REXO5: variants seen among roughly 807,000 people sequenced by gnomAD.
The protein encoded by REXO5 is RNA exonuclease 5, also known as exonuclease NEF-sp.
Under a neutral mutation model 88.5 loss-of-function variants are expected in REXO5, and 48 were observed. The observed-to-expected ratio is 0.54, with a 90% CI of 0.43 to 0.69. The LOEUF is 0.69. Among genes scored for constraint, REXO5 ranks in the 30% least tolerant of loss-of-function variants. The probability of loss-of-function intolerance (pLI) is 0.00; values close to 1 mark genes in which losing one functional copy is unlikely to be tolerated. For synonymous variants in REXO5, 311 were observed against 336.5 expected (o/e 0.92, Z 0.83); for missense variants, 749 against 912.2 (o/e 0.82, Z 2.30).
chr16:20,812,218 T>C (rs754440337), intron 2 of REXO5, among the ~76,000 whole-genome samples: 3 of 152,178 alleles, frequency 2.0e-5, no homozygotes, highest in Non-Finnish European at 2.9e-5. Context: ...TAAACAAATA[T>C]AGGCTGGGCG....
Position 20,849,446 on chromosome 16 carries a change from A to T in REXO5, c.2291A>T (p.Glu764Val). ...SGLGLMGIKE[E>V]EESAGPGLCS is the part of the protein sequence containing the mutation. ...CTAGGACTGATGGGAATAAAAGAGG[A>T]AGAAGAAAGCGCTGGCCCAGGCCTG... is the stretch of plus-strand genomic sequence containing the variant. Residue 764 changes from glutamate (E) to valine (V), a missense_variant, in exon 20 of 20, where the codon GAA becomes GTA. Physicochemically the swap from Glu to Val is moderately radical, Grantham distance 121. Coordinates refer to ENST00000261377, the MANE Select transcript of REXO5 (RefSeq NM_030941.3). 6.2e-7 allele frequency: 1 copy of T among 1,614,080 alleles called. No individual in the cohort carries two copies. The highest frequency in any genetic ancestry group is 8.5e-7 in the Non-Finnish European group (1 of 1,179,916).
chr16:20,819,371 C>T (rs1456234423), intron 5 of REXO5, among the ~76,000 whole-genome samples: 1 of 151,024 alleles, frequency 6.6e-6, no homozygotes, highest in Non-Finnish European at 1.5e-5. Context: ...CGCTTTCTTT[C>T]TTTCTTCATT....
In REXO5 at chr16:20,824,465, C is replaced by A; in HGVS notation, c.643C>A (p.Leu215Ile). Residue 215 changes from leucine to isoleucine, a missense_variant, in exon 7 of 20, where the codon CTT becomes ATT. By Grantham distance (5) the Leu-to-Ile change is conservative. Coordinates refer to ENST00000261377, the MANE Select transcript of REXO5 (RefSeq NM_030941.3). ...QGFPDCENFL[L>I]TKCNGSIADN... ...TTTTCCTGATTGTGAAAACTTTTTA[C>A]TTACCAAATGTAATGGTTCTATAGC... 1 of 1,610,326 alleles carries A rather than the reference C, an allele frequency of 6.2e-7. No homozygotes were observed. Among genetic ancestry groups the A allele is most frequent in the Non-Finnish European group, 8.5e-7 (1 of 1,177,222 alleles).
Position 20,849,660 on chromosome 16 carries a change from A to G in REXO5, c.*180A>G. ...GTTTTCAATAAATGCCTAAAGTTCA[A>G]GCATAGTATGGGGATGTCCACAGAT... On this transcript the variant is annotated 3_prime_UTR_variant, in exon 20 of 20. Coordinates refer to ENST00000261377, the MANE Select transcript of REXO5 (RefSeq NM_030941.3). The G allele has an allele frequency of 1.7e-6, 1 of 604,210 alleles. No homozygotes were observed. The highest frequency in any genetic ancestry group is 2.9e-6 in the Non-Finnish European group (1 of 339,416). 37.4% of individuals were successfully genotyped at this position (604,210 alleles called of 1,614,324 possible).
chr16:20,822,984 A>G (rs2081207493), intron 6 of REXO5, among the ~76,000 whole-genome samples: 1 of 152,204 alleles, frequency 6.6e-6, no homozygotes, highest in Admixed American at 6.5e-5. Flanking sequence ...AAGCTGCCGT[A>G]CCATTTTACT....
intron 15 of REXO5, 112 bp from the exon 16 acceptor site, chr16:20,843,822 A>G: frequency 1.5e-6 from 1 of 668,904 alleles, no homozygotes; most frequent in Non-Finnish European, 2.6e-6. Flanking sequence ...CAGCACAGTA[A>G]AGGCATCCAT....
intron 3 of REXO5, among the ~76,000 whole-genome samples, chr16:20,814,087 CTGTT>C (rs2081044823): frequency 6.7e-6 from 1 of 150,108 alleles, no homozygotes; most frequent in African/African-American, 2.4e-5. Context: ...TTATCTAAAA[CTGTT>C]TTTTTTTTTT....
In REXO5 at chr16:20,813,391, CCA is replaced by C. The variant is rs2081032759; in HGVS notation, c.251+90_251+91del. On this transcript the variant is annotated intron_variant, in intron 3 of 19. Coordinates refer to ENST00000261377, the MANE Select transcript of REXO5 (RefSeq NM_030941.3). ...CCTCTCCCAAGCTCCATCATTCAAA[CCA>C]GAGGTTTCAAACTGGCTTATCGACA... The C allele has an allele frequency of 2.2e-5, 17 of 762,208 alleles. 1 individual carries two copies. In the South Asian group the frequency reaches 3.1e-4, roughly 14 times the overall value. The allele number at this position is 762,208 out of a possible 1,614,324, so 47.2% of individuals were successfully genotyped here. A position where few individuals can be genotyped will look rare whatever the true frequency, so the allele number is the denominator to read the frequency against.
At position 20,844,039 on chromosome 16, in the gene REXO5, G is replaced by A. The variant is rs368222110; in HGVS notation, c.1719+13G>A. 1.3e-4 allele frequency: 201 copies of A among 1,517,974 alleles called. No homozygotes were observed. In the African/African-American group the frequency reaches 2.4e-3, roughly 18 times the overall value. 94.0% of individuals were successfully genotyped at this position (1,517,974 alleles called of 1,614,324 possible). On this transcript the variant is annotated intron_variant, in intron 16 of 19. Coordinates refer to ENST00000261377, the MANE Select transcript of REXO5 (RefSeq NM_030941.3). ...TATCTGCATCAAGGTAGGGTGACAA[G>A]AGAAAGCCCCCTTTGCTTGGGTCTG...
chr16:20,833,872 AC>A (rs1165358272), intron 13 of REXO5, among the ~76,000 whole-genome samples: 1 of 152,186 alleles, frequency 6.6e-6, no homozygotes, highest in Non-Finnish European at 1.5e-5. Flanking sequence ...TTGTCCTGGT[AC>A]CTTTATCTAC....
At chr16:20,829,300 TTAATAC>T (rs2152506361) in intron 11 of REXO5, among the ~76,000 whole-genome samples, 1 of 152,322 alleles carries the variant, frequency 6.6e-6, no homozygotes, top group South Asian at 2.1e-4. Context: ...ATTATTGTAG[TTAATAC>T]TAATAATTAT....
chr16:20,810,967 A>G (rs1338393369), intron 2 of REXO5, among the ~76,000 whole-genome samples: 2 of 152,042 alleles, frequency 1.3e-5, no homozygotes, highest in Admixed American at 6.6e-5. Flanking sequence ...ACAGGCCACT[A>G]CTGTCCCTCA....
intron 6 of REXO5, among the ~76,000 whole-genome samples, chr16:20,822,577 C>T (rs1350390566): frequency 1.3e-5 from 2 of 152,214 alleles, no homozygotes; most frequent in Non-Finnish European, 2.9e-5. Flanking sequence ...TAATTTCCCT[C>T]CAACTCCCTG....
rs1174635146 is a variant in REXO5, at chr16:20,806,944, C to A, written c.-2-8C>A. Reference sequence around the variant, plus strand: ...GTTTCCCCAGCTCTACCTCATCTTTCTCCACAGCCATGGAGCCAGAGAGGG... The same window carrying A: ...GTTTCCCCAGCTCTACCTCATCTTTATCCACAGCCATGGAGCCAGAGAGGG... On this transcript the variant is annotated splice_region_variant and splice_polypyrimidine_tract_variant and intron_variant, in intron 1 of 19. Coordinates refer to ENST00000261377, the MANE Select transcript of REXO5 (RefSeq NM_030941.3). 2 of 1,579,304 alleles carry A rather than the reference C, an allele frequency of 1.3e-6. No homozygotes were observed. The highest frequency in any genetic ancestry group is 1.7e-6 in the Non-Finnish European group (2 of 1,161,486).
At chr16:20,833,178 C>A in intron 13 of REXO5, 55 bp downstream of exon 13, 1 of 1,534,048 alleles carries the variant, frequency 6.5e-7, no homozygotes, top group Non-Finnish European at 8.8e-7. Context: ...GGGAATGTAG[C>A]CCTTTGCACC....
At chr16:20,843,648 C>T (rs78303338) in intron 15 of REXO5, among the ~76,000 whole-genome samples, 5,442 of 152,256 alleles carry the variant, frequency 0.036, 142 homozygotes, top group Non-Finnish European at 0.054. Flanking sequence ...AATCTCTGCC[C>T]GTGACTTGCA....
In REXO5 at chr16:20,814,468, C is replaced by T. The variant is rs367835328; in HGVS notation, c.252-459C>T. 1.9e-3 allele frequency among the ~76,000 whole-genome samples: 286 copies of T among 152,216 alleles called. 3 individuals carry two copies. The highest frequency in any genetic ancestry group is 0.01 in the South Asian group (49 of 4,814). On this transcript the variant is annotated intron_variant, in intron 3 of 19. Coordinates refer to ENST00000261377, the MANE Select transcript of REXO5 (RefSeq NM_030941.3). Reference sequence around the variant, plus strand: ...TGTTGCCCAGGTTGGTCTTGAACTCCTGACCTCAAGTCATCCACCTGCCTC... The same window carrying T: ...TGTTGCCCAGGTTGGTCTTGAACTCTTGACCTCAAGTCATCCACCTGCCTC...
At position 20,806,530 on chromosome 16, in the gene REXO5, G is replaced by A. The variant is rs2080878369; in HGVS notation, c.-178G>A. 6.5e-7 allele frequency: 1 copy of A among 1,531,526 alleles called. No homozygotes were observed. The highest frequency in any genetic ancestry group is 8.8e-7 in the Non-Finnish European group (1 of 1,140,544). 94.9% of individuals were successfully genotyped at this position (1,531,526 alleles called of 1,614,324 possible). ...CCCGCGAGGCTGAGGGGCGGTTGTT[G>A]TTGGCAGCTGTGGCTAAGGAGGGGA... is the stretch of plus-strand genomic sequence containing the variant. On this transcript the variant is annotated 5_prime_UTR_variant, in exon 1 of 20. Transcript: ENST00000261377.
chr16:20,842,688 CAA>C (rs2081548642), intron 15 of REXO5, among the ~76,000 whole-genome samples: 1 of 152,082 alleles, frequency 6.6e-6, no homozygotes, highest in Admixed American at 6.5e-5. Context: ...CTCCTGGACT[CAA>C]GAGATCCACC....
Sources: allele counts gnomAD v4.1 joint callset (sites outside exome capture counted in the v4.1 genomes callset), GRCh38; gene constraint gnomAD v4.1.1; transcripts MANE v1.5; gene names NCBI Gene and HGNC (gene_info 2026-07-23, HGNC 2026-07-21).